The following WIPF1 variants were observed in gnomAD, a reference collection of about 807,000 sequenced individuals.
WIPF1 encodes the protein WAS/WASL interacting protein family member 1.
A neutral mutation model predicts 35.4 loss-of-function variants in WIPF1; 13 were observed. The observed-to-expected ratio is 0.37, with a 90% CI of 0.24 to 0.58. WIPF1 has a LOEUF of 0.58. Ranked by LOEUF, WIPF1 falls within the 20% of genes least tolerant of loss-of-function variation. WIPF1 has a pLI of 0.74. For missense variants in WIPF1, 591 were observed against 667.0 expected (o/e 0.89, Z 1.25); for synonymous variants, 267 against 266.3 (o/e 1.00, Z -0.02).
Position 174,576,243 on chromosome 2 carries a change from A to AAAAAAAAAAAAAAAAAAC in WIPF1, c.182-864_182-863insGTTTTTTTTTTTTTTTTT, listed in dbSNP as rs1559149036. 1.6e-3 allele frequency among the ~76,000 whole-genome samples: 248 copies of AAAAAAAAAAAAAAAAAAC among 150,390 alleles called. 2 individuals carry two copies. Among genetic ancestry groups the AAAAAAAAAAAAAAAAAAC allele is most frequent in the African/African-American group, 6.0e-3 (238 of 39,952 alleles). ...ACTGCACTCCAGCAAAAAAAAAAAA[A>AAAAAAAAAAAAAAAAAAC]AAAAAACACTAAGCAAATATCCACA... On this transcript the variant is annotated intron_variant, in intron 3 of 7. Coordinates refer to ENST00000679041, the MANE Select transcript of WIPF1 (RefSeq NM_001375834.1).
intron 1 of WIPF1, among the ~76,000 whole-genome samples, chr2:174,648,893 G>A (rs988356001): frequency 1.3e-5 from 2 of 152,200 alleles, no homozygotes; most frequent in African/African-American, 2.4e-5. Flanking sequence ...CTTGGGCTAT[G>A]CAAATTATTA....
intron 1 of WIPF1, among the ~76,000 whole-genome samples, chr2:174,637,032 T>TTC (rs1234726261): frequency 6.6e-6 from 1 of 152,228 alleles, no homozygotes; most frequent in Non-Finnish European, 1.5e-5. Context: ...TTTGGAATCC[T>TTC]TCTGCATGGA....
chr2:174,583,967 G>T (rs903783007), intron 2 of WIPF1, among the ~76,000 whole-genome samples: 1 of 152,130 alleles, frequency 6.6e-6, no homozygotes, highest in African/African-American at 2.4e-5. Flanking sequence ...CTATAAGCAC[G>T]CACCGCCATG....
At chr2:174,621,699 C>A (rs1003115431) in intron 1 of WIPF1, among the ~76,000 whole-genome samples, 7 of 152,136 alleles carry the variant, frequency 4.6e-5, no homozygotes, top group African/African-American at 1.7e-4. Context: ...TTTACAATAT[C>A]ATTTCAACAT....
chr2:174,678,670 C>T (rs1688185280), intron 1 of WIPF1, among the ~76,000 whole-genome samples: 1 of 152,250 alleles, frequency 6.6e-6, no homozygotes, highest in East Asian at 1.9e-4. Context: ...GTGACTGCCA[C>T]AACACATTAA....
chr2:174,593,335 C>T (rs1685686530), intron 1 of WIPF1, among the ~76,000 whole-genome samples: 1 of 152,026 alleles, frequency 6.6e-6, no homozygotes, highest in African/African-American at 2.4e-5. Flanking sequence ...AAAGTGTTTT[C>T]CTGAGAAAAG....
Position 174,562,577 on chromosome 2 carries a change from A to C in WIPF1, c.1482T>G (p.Gly494=), listed in dbSNP as rs771194136. 1.2e-6 allele frequency: 2 copies of C among 1,614,100 alleles called. No homozygotes were observed. Among genetic ancestry groups the C allele is most frequent in the Non-Finnish European group, 1.7e-6 (2 of 1,180,008 alleles). ...SRSGSNRRER[G]APPLPPIPR ...TCGGGATGGGAGGGAGTGGTGGAGC[A>C]CCCCTTTCTCTTCGGTTGGATCCAC... The change falls in exon 8 of 8, where the codon GGT becomes GGG. Residue 494 remains glycine (G), a synonymous_variant. Coordinates refer to ENST00000679041, the MANE Select transcript of WIPF1 (RefSeq NM_001375834.1).
At chr2:174,636,184 A>C (rs1159690355) in intron 1 of WIPF1, among the ~76,000 whole-genome samples, 1 of 152,228 alleles carries the variant, frequency 6.6e-6, no homozygotes, top group African/African-American at 2.4e-5. Flanking sequence ...ATGTATTTAG[A>C]AGTCTCACAT....
At chr2:174,645,000 C>T (rs193193083) in intron 1 of WIPF1, among the ~76,000 whole-genome samples, 2 of 151,724 alleles carry the variant, frequency 1.3e-5, no homozygotes, top group East Asian at 3.9e-4. Context: ...ACTAAAATTC[C>T]TTATTTGATT....
At chr2:174,674,356 C>T (rs1688085779) in intron 1 of WIPF1, among the ~76,000 whole-genome samples, 1 of 152,198 alleles carries the variant, frequency 6.6e-6, no homozygotes, top group Non-Finnish European at 1.5e-5. Flanking sequence ...CTTAAAGCTC[C>T]TTTAAAATTT....
Position 174,572,092 on chromosome 2 carries a change from G to T in WIPF1, c.713C>A (p.Ser238Tyr). The part of the protein sequence containing the change: ...TALGGGSIRQ[S>Y]PLSSSSPFSN... ...GAAGGGCGAGGAGGAGCTCAAGGGG[G>T]ACTGACGTATTGAGCCTCCTCCCAA... is the stretch of plus-strand genomic sequence containing the variant. The change falls in exon 5 of 8, where the codon TCC becomes TAC. Residue 238 changes from serine (S) to tyrosine (Y), a missense_variant. Coordinates refer to ENST00000679041, the MANE Select transcript of WIPF1 (RefSeq NM_001375834.1). The T allele has an allele frequency of 6.3e-7, 1 of 1,586,156 alleles. No homozygotes were observed. The highest frequency in any genetic ancestry group is 8.6e-7 in the Non-Finnish European group (1 of 1,166,860).
intron 1 of WIPF1, among the ~76,000 whole-genome samples, chr2:174,669,033 T>A (rs1222882177): frequency 6.6e-6 from 1 of 152,228 alleles, no homozygotes; most frequent in Non-Finnish European, 1.5e-5. Flanking sequence ...TTACATGGGT[T>A]CAATAAGTTC....
At position 174,631,490 on chromosome 2, in the gene WIPF1, G is replaced by A. The variant is rs571725467; in HGVS notation, c.-38-45879C>T. ...AGGGAATGGGGAGTTGTTGTTTAAT[G>A]GGTTTAAGTTTCAGTTTTGCAAAAT... On this transcript the variant is annotated intron_variant, in intron 1 of 8. Transcript: ENST00000272746. Among the ~76,000 whole-genome samples the A allele has an allele frequency of 3.9e-5, 6 of 152,266 alleles. No individual in the cohort carries two copies. In the South Asian group the frequency reaches 1.2e-3, roughly 32 times the overall value.
At chr2:174,567,769 G>C (rs2105796502) in intron 6 of WIPF1, 92 bp downstream of exon 6, 3 of 1,381,244 alleles carry the variant, frequency 2.2e-6, no homozygotes, top group Non-Finnish European at 2.9e-6. Flanking sequence ...GATGGAACAA[G>C]AAATTAAACG....
In WIPF1 at chr2:174,590,411, G is replaced by C. The variant is rs1685568379; in HGVS notation, c.-38-4800C>G. Among the ~76,000 whole-genome samples, 1 of 152,214 alleles carries C rather than the reference G, an allele frequency of 6.6e-6. No individual in the cohort carries two copies. The highest frequency in any genetic ancestry group is 1.5e-5 in the Non-Finnish European group (1 of 68,038). ...CTGAGTGCCTGGCAGAGGAGGGATG[G>C]ACCTGGAGGCTAGTCTGAGGGGCCA... On this transcript the variant is annotated intron_variant, in intron 1 of 7. Coordinates refer to ENST00000679041, the MANE Select transcript of WIPF1 (RefSeq NM_001375834.1). This position sits in a 1 kb window ranked among gnomAD's most constrained non-coding sequence, Gnocchi z 4.6.
rs1159062681 is a variant in WIPF1, at chr2:174,559,698, A to C, written c.*2849T>G. ...CAAAATGTGTCTGTTTACATAGTGC[A>C]TGGTATGAAAAAAAAGTTTTTCTTC... On this transcript the variant is annotated 3_prime_UTR_variant, in exon 8 of 8. Transcript: ENST00000679041. The C allele has an allele frequency of 6.6e-6, 1 of 152,482 alleles. No individual in the cohort carries two copies. Among genetic ancestry groups the C allele is most frequent in the Non-Finnish European group, 1.5e-5 (1 of 68,004 alleles). 9.4% of individuals were successfully genotyped at this position (152,482 alleles called of 1,614,324 possible).
At chr2:174,643,060 C>CT (rs904118677) in intron 1 of WIPF1, among the ~76,000 whole-genome samples, 2 of 149,302 alleles carry the variant, frequency 1.3e-5, no homozygotes, top group Non-Finnish European at 2.9e-5. Context: ...ACCTTAATTT[C>CT]TAAGTGCTTA....
chr2:174,679,054 A>G (rs35215597), intron 1 of WIPF1, among the ~76,000 whole-genome samples: 34,065 of 152,194 alleles, frequency 0.22, 4,187 homozygotes, highest in Middle Eastern at 0.3. Flanking sequence ...AATAATAATA[A>G]TAGTCCACAA....
At chr2:174,593,461 C>T (rs929264910) in intron 1 of WIPF1, among the ~76,000 whole-genome samples, 8 of 152,186 alleles carry the variant, frequency 5.3e-5, no homozygotes, top group Non-Finnish European at 8.8e-5. Context: ...ATCGAGCAAA[C>T]TCAAATTGCT....
Sources: allele counts gnomAD v4.1 joint callset (sites outside exome capture counted in the v4.1 genomes callset), GRCh38; gene constraint gnomAD v4.1.1; non-coding constraint Gnocchi (gnomAD v3.1); transcripts MANE v1.5; gene names NCBI Gene and HGNC (gene_info 2026-07-23, HGNC 2026-07-21).